The following SLC19A3 variants were observed in gnomAD, a reference collection of about 807,000 sequenced individuals.
SLC19A3 encodes the protein thiamine transporter 2.
Under a neutral mutation model 40.2 loss-of-function variants are expected in SLC19A3, and 31 were observed. That is an observed-to-expected ratio of 0.77 (90% CI 0.58 to 1.04). The LOEUF (loss-of-function observed/expected upper bound fraction) is 1.04. Ranked by LOEUF, SLC19A3 falls within the 50% of genes least tolerant of loss-of-function variation. The probability of loss-of-function intolerance (pLI) is 0.00; values close to 1 mark genes in which losing one functional copy is unlikely to be tolerated. For missense variants in SLC19A3, 592 were observed against 596.7 expected (o/e 0.99, Z 0.08); for synonymous variants, 212 against 227.5 (o/e 0.93, Z 0.61).
chr2:227,712,921 G>A (rs988483519), intron 1 of SLC19A3, among the ~76,000 whole-genome samples: 2 of 152,156 alleles, frequency 1.3e-5, no homozygotes, highest in Non-Finnish European at 2.9e-5. Flanking sequence ...GTAGGGAAGA[G>A]AGTGACTGCA....
chr2:227,714,361 T>C (rs1310375028), intron 1 of SLC19A3: 3 of 921,754 alleles, frequency 3.3e-6, no homozygotes, highest in Non-Finnish European at 3.9e-6. Context: ...CAATAAACCT[T>C]GTAAGTCTGG....
At chr2:227,696,717 A>G (rs1029661696) in intron 3 of SLC19A3, among the ~76,000 whole-genome samples, 9 of 152,222 alleles carry the variant, frequency 5.9e-5, no homozygotes, top group Admixed American at 5.9e-4. Flanking sequence ...AGAAATTGAA[A>G]TAATTGACAG....
At chr2:227,706,473 A>T (rs1007571663) in intron 1 of SLC19A3, 2 of 1,226,276 alleles carry the variant, frequency 1.6e-6, no homozygotes, top group Non-Finnish European at 2.0e-6. Context: ...TAAACGGTAG[A>T]TTAAAAATTT....
chr2:227,715,754 A>G, intron 1 of SLC19A3, among the ~76,000 whole-genome samples: 1 of 152,146 alleles, frequency 6.6e-6, no homozygotes, highest in Admixed American at 6.6e-5. Context: ...AACTGAGCCC[A>G]GCCTGGGCAA....
At chr2:227,708,636 A>C (rs796738454) in intron 1 of SLC19A3, among the ~76,000 whole-genome samples, 22 of 152,296 alleles carry the variant, frequency 1.4e-4, no homozygotes, top group African/African-American at 4.8e-4. Flanking sequence ...CTGCAGGCTA[A>C]CCTTCTTTGA....
At chr2:227,705,436 TAA>T (rs34060996) in intron 1 of SLC19A3, among the ~76,000 whole-genome samples, 80 of 140,854 alleles carry the variant, frequency 5.7e-4, no homozygotes, top group African/African-American at 1.7e-3. Flanking sequence ...CCCTATCTCT[TAA>T]AAAAAAAAAA....
In SLC19A3 at chr2:227,700,940, G is replaced by A. The variant is rs11694828; in HGVS notation, c.150+1229C>T. On this transcript the variant is annotated intron_variant, in intron 2 of 5. Coordinates refer to ENST00000644224, the MANE Select transcript of SLC19A3 (RefSeq NM_025243.4). ...TGACACCTGGATCACTGAGGTTGCT[G>A]GAGAAAGCAGGAGGCCACAGAGCAA... 0.42 allele frequency: 552,928 copies of A among 1,301,782 alleles called. 122,948 individuals carry two copies. Among genetic ancestry groups the A allele is most frequent in the Non-Finnish European group, 0.46 (459,458 of 988,732 alleles). 80.6% of individuals were successfully genotyped at this position (1,301,782 alleles called of 1,614,324 possible).
intron 4 of SLC19A3, among the ~76,000 whole-genome samples, chr2:227,693,696 T>C (rs773281728): frequency 6.6e-6 from 1 of 151,908 alleles, no homozygotes; most frequent in Non-Finnish European, 1.5e-5. Context: ...ATTTCTTGAG[T>C]ACCCCACAAA....
chr2:227,696,939 C>A (rs1406331236), intron 3 of SLC19A3, among the ~76,000 whole-genome samples: 1 of 152,078 alleles, frequency 6.6e-6, no homozygotes, highest in Admixed American at 6.6e-5. Context: ...GTGGCGGGCA[C>A]CTGCAATCCC....
intron 1 of SLC19A3, among the ~76,000 whole-genome samples, chr2:227,704,110 C>A (rs1695829193): frequency 6.6e-6 from 1 of 152,158 alleles, no homozygotes. Flanking sequence ...AAGGAAGATG[C>A]TGAATGAATT....
intron 1 of SLC19A3, among the ~76,000 whole-genome samples, chr2:227,713,179 A>AGGATCCCTTGAGTTACCTGTTTT: frequency 6.6e-6 from 1 of 152,090 alleles, no homozygotes; most frequent in African/African-American, 2.4e-5. Context: ...CTGAGGCAGG[A>AGGATCCCTTGAGTTACCTGTTTT]TTGCTTGAGG....
Position 227,699,541 on chromosome 2 carries a change from A to G in SLC19A3, c.174T>C (p.Val58=). Residue 58 remains valine, a synonymous_variant, in exon 3 of 6, where the codon GTT becomes GTC. Transcript: ENST00000644224. ...SAEITNEIFP[V]WTYSYLVLLL... Reference sequence around the variant, plus strand: ...GCAGCACCAGGTAGGAGTATGTCCAAACGGGGAAGATCTCATTTGTTATCT... The same window carrying G: ...GCAGCACCAGGTAGGAGTATGTCCAGACGGGGAAGATCTCATTTGTTATCT... 3 of 1,614,162 alleles carry G rather than the reference A, an allele frequency of 1.9e-6. No individual in the cohort carries two copies. The highest frequency in any genetic ancestry group is 2.5e-6 in the Non-Finnish European group (3 of 1,180,030).
At chr2:227,690,706 CAAAAAA>C (rs34163746) in intron 4 of SLC19A3, among the ~76,000 whole-genome samples, 1,289 of 39,062 alleles carry the variant, frequency 0.033, 20 homozygotes, top group African/African-American at 0.12. Context: ...GACTCCATCT[CAAAAAA>C]AAAAAAAAAA....
intron 4 of SLC19A3, among the ~76,000 whole-genome samples, chr2:227,690,220 A>T (rs1211106943): frequency 6.6e-6 from 1 of 152,164 alleles, no homozygotes. Context: ...CAAGAAAGAC[A>T]TTTTACCTAT....
At chr2:227,701,505 C>T in intron 2 of SLC19A3, 1 of 160,824 alleles carries the variant, frequency 6.2e-6, no homozygotes, top group East Asian at 1.9e-4. Flanking sequence ...GCCCGTAGTC[C>T]CAGCTACTCG....
chr2:227,707,964 GGT>G (rs1474334626), intron 1 of SLC19A3, among the ~76,000 whole-genome samples: 1 of 152,146 alleles, frequency 6.6e-6, no homozygotes, highest in African/African-American at 2.4e-5. Context: ...CCTGACCTCA[GGT>G]GATCCACTTG....
chr2:227,693,719 A>G (rs1328559286), intron 4 of SLC19A3, among the ~76,000 whole-genome samples: 1 of 152,154 alleles, frequency 6.6e-6, no homozygotes, highest in Admixed American at 6.5e-5. Context: ...CAGGCAACCA[A>G]AGCAAAAATG....
intron 4 of SLC19A3, among the ~76,000 whole-genome samples, chr2:227,690,207 C>T (rs756820774): frequency 6.6e-6 from 1 of 151,988 alleles, no homozygotes; most frequent in Non-Finnish European, 1.5e-5. Context: ...GACCTGTTGC[C>T]TACAAGAAAG....
At chr2:227,706,491 C>G in intron 1 of SLC19A3, 1 of 1,221,366 alleles carries the variant, frequency 8.2e-7, no homozygotes, top group Non-Finnish European at 1.0e-6. Flanking sequence ...TTTTAAAAGG[C>G]TGGGTGTAGT....
Sources: gnomAD v4.1 joint callset for allele counts (sites outside exome capture counted in the v4.1 genomes callset) on GRCh38, gnomAD v4.1.1 for gene constraint, MANE v1.5 for transcripts, NCBI Gene and HGNC (gene_info 2026-07-23, HGNC 2026-07-21) for gene names.